Variants in PBRM1 observed in about 807,000 individuals in gnomAD.
PBRM1 encodes the protein protein polybromo-1.
In PBRM1, 27 loss-of-function variants were observed where a neutral mutation model predicts 194.5. The observed-to-expected ratio is 0.14, with a 90% CI of 0.10 to 0.19. PBRM1 has a LOEUF of 0.19. PBRM1 is among the 10% of genes least tolerant of loss of function. The pLI, the probability that PBRM1 is intolerant of heterozygous loss-of-function variation, is 1.00. For synonymous variants in PBRM1, 655 were observed against 693.2 expected (o/e 0.94, Z 0.87); for missense variants, 1,466 against 2,077.2 (o/e 0.71, Z 5.72).
chr3:52,616,655 T>C (rs1271352029), intron 14 of PBRM1, among the ~76,000 whole-genome samples: 1 of 152,178 alleles, frequency 6.6e-6, no homozygotes, highest in Non-Finnish European at 1.5e-5. Flanking sequence ...ATGGCGCCAC[T>C]GCACTCCAGC....
intron 5 of PBRM1, among the ~76,000 whole-genome samples, chr3:52,655,699 T>C (rs2096595400): frequency 1.3e-5 from 2 of 152,204 alleles, no homozygotes; most frequent in South Asian, 2.1e-4. Flanking sequence ...AATAATTACA[T>C]CTTTCTAGTA....
At chr3:52,634,455 AAG>A in intron 11 of PBRM1, 145 bp downstream of exon 12, 7 of 571,102 alleles carry the variant, frequency 1.2e-5, no homozygotes, top group Admixed American at 3.2e-5. Flanking sequence ...AAAAAAAAAA[AAG>A]GTAATGAACA....
chr3:52,614,950 T>C (rs1360792867), intron 15 of PBRM1, among the ~76,000 whole-genome samples: 1 of 152,158 alleles, frequency 6.6e-6, no homozygotes, highest in African/African-American at 2.4e-5. Context: ...TGGCTGGACA[T>C]CTCTAACTCC....
chr3:52,662,845 C>T (rs2096753400), intron 3 of PBRM1, among the ~76,000 whole-genome samples: 1 of 147,678 alleles, frequency 6.8e-6, no homozygotes, highest in Non-Finnish European at 1.5e-5. Context: ...AAAAAAACAC[C>T]AAAAAACCCA....
chr3:52,598,170 G>T lies in PBRM1; in HGVS notation c.2779+5351C>A, dbSNP rs1362360516. Among the ~76,000 whole-genome samples the T allele has an allele frequency of 2.6e-5, 4 of 152,138 alleles. No individual in the cohort carries two copies. In the East Asian group the frequency reaches 7.7e-4, roughly 29 times the overall value. ...TGGTTTTTGGTATATTACATTATTA[G>T]TTTTTTAATAATTGTAGTAAAACAT... is the stretch of plus-strand genomic sequence containing the variant. On this transcript the variant is annotated intron_variant, in intron 17 of 29. Transcript: ENST00000296302.
At chr3:52,636,373 A>G (rs2095811614) in intron 10 of PBRM1, among the ~76,000 whole-genome samples, 1 of 152,178 alleles carries the variant, frequency 6.6e-6, no homozygotes, top group Non-Finnish European at 1.5e-5. Flanking sequence ...ACTCCTAAAC[A>G]GTGTGTAAGG....
intron 3 of PBRM1, among the ~76,000 whole-genome samples, chr3:52,663,307 G>C (rs1441059338): frequency 6.6e-6 from 1 of 152,182 alleles, no homozygotes; most frequent in African/African-American, 2.4e-5. Flanking sequence ...GGAATCCAAA[G>C]GCCATGGCTG....
chr3:52,674,643 A>AAAATAT (rs1193129880), intron 2 of PBRM1, among the ~76,000 whole-genome samples: 5 of 72,388 alleles, frequency 6.9e-5, no homozygotes, highest in African/African-American at 2.0e-4. Context: ...AAAAAAAAAA[A>AAAATAT]ATATATATAT....
At chr3:52,593,317 A>G (rs1307430428) in intron 17 of PBRM1, among the ~76,000 whole-genome samples, 1 of 152,034 alleles carries the variant, frequency 6.6e-6, no homozygotes, top group Non-Finnish European at 1.5e-5. Context: ...CAGTGGCACA[A>G]TCTTGGCTCA....
At chr3:52,620,023 AG>A (rs2095197126) in intron 13 of PBRM1, among the ~76,000 whole-genome samples, 1 of 152,080 alleles carries the variant, frequency 6.6e-6, no homozygotes, top group South Asian at 2.1e-4. Context: ...CTGTTAGATA[AG>A]TTTGTTAGAT....
intron 22 of PBRM1, among the ~76,000 whole-genome samples, chr3:52,575,712 ACTATGT>A (rs2089381122): frequency 1.4e-5 from 2 of 140,392 alleles, no homozygotes; most frequent in South Asian, 4.4e-4. Flanking sequence ...ACAAGGTTTC[ACTATGT>A]TGGCAGGCTG....
At chr3:52,549,962 A>T (rs1343243307) in intron 29 of PBRM1, among the ~76,000 whole-genome samples, 1 of 151,654 alleles carries the variant, frequency 6.6e-6, no homozygotes. Context: ...TCACGCCTGT[A>T]ATCCCAGCAC....
intron 11 of PBRM1, among the ~76,000 whole-genome samples, chr3:52,634,022 CTA>C (rs1577154463): frequency 6.6e-6 from 1 of 152,150 alleles, no homozygotes; most frequent in African/African-American, 2.4e-5. Flanking sequence ...CAGGAACTGA[CTA>C]TGCTTATCCT....
upstream of PBRM1, chr3:52,685,865 C>G (rs1026410788): frequency 9.6e-6 from 5 of 520,642 alleles, no homozygotes; most frequent in Non-Finnish European, 1.7e-5. Context: ...GTCGCTTCGG[C>G]ACCCGCCGCC....
At chr3:52,619,929 G>A (rs2095191741) in intron 13 of PBRM1, among the ~76,000 whole-genome samples, 1 of 152,152 alleles carries the variant, frequency 6.6e-6, no homozygotes, top group African/African-American at 2.4e-5. Flanking sequence ...CTCATAACTT[G>A]TGTCTTCACT....
At chr3:52,598,523 T>C (rs1164311685) in intron 17 of PBRM1, among the ~76,000 whole-genome samples, 1 of 152,256 alleles carries the variant, frequency 6.6e-6, no homozygotes, top group Non-Finnish European at 1.5e-5. Context: ...AATAAGGATG[T>C]CATTCCTTTT....
chr3:52,673,924 G>A (rs553728335), intron 2 of PBRM1, among the ~76,000 whole-genome samples: 24 of 151,482 alleles, frequency 1.6e-4, no homozygotes, highest in African/African-American at 5.3e-4. Flanking sequence ...GGTGGCACAC[G>A]CCTGTAATCC....
At chr3:52,669,836 T>C (rs967782012) in intron 2 of PBRM1, among the ~76,000 whole-genome samples, 29 of 152,218 alleles carry the variant, frequency 1.9e-4, no homozygotes, top group African/African-American at 6.3e-4. Context: ...AACTCAACCA[T>C]CAAAACCAGG....
chr3:52,583,668 G>GT (rs1220502306), intron 20 of PBRM1, among the ~76,000 whole-genome samples: 2 of 152,010 alleles, frequency 1.3e-5, no homozygotes, highest in African/African-American at 4.8e-5. Flanking sequence ...ACCCTAGACT[G>GT]TTTTATTAAC....
Sources: gnomAD v4.1 joint callset for allele counts (sites outside exome capture counted in the v4.1 genomes callset) on GRCh38, gnomAD v4.1.1 for gene constraint, MANE v1.5 for transcripts, NCBI Gene and HGNC (gene_info 2026-07-23, HGNC 2026-07-21) for gene names.